Variants in CDH4 observed in about 807,000 individuals in gnomAD.
CDH4 encodes cadherin-4.
A neutral mutation model predicts 86.0 loss-of-function variants in CDH4; 33 were observed. The ratio of observed to expected loss-of-function variants is 0.38; its 90% CI spans 0.29 to 0.51. The LOEUF is 0.51. CDH4 is among the 20% of genes least tolerant of loss of function. CDH4 has a pLI of 0.86. For synonymous variants in CDH4, 555 were observed against 549.4 expected (o/e 1.01, Z -0.14); for missense variants, 1,114 against 1,307.4 (o/e 0.85, Z 2.28).
chr20:61,282,866 TG>T (rs2084267843), intron 2 of CDH4, among the ~76,000 whole-genome samples: 1 of 148,908 alleles, frequency 6.7e-6, no homozygotes. Context: ...GCATGTGCTG[TG>T]GTGTGTGTGA....
chr20:61,838,933 C>T (rs557713730), intron 4 of CDH4, among the ~76,000 whole-genome samples: 29 of 152,238 alleles, frequency 1.9e-4, no homozygotes, highest in African/African-American at 5.3e-4. Context: ...CCTGTGCCTT[C>T]GGGATGGGGC....
intron 13 of CDH4, among the ~76,000 whole-genome samples, chr20:61,931,319 T>C (rs539836461): frequency 6.6e-6 from 1 of 152,168 alleles, no homozygotes; most frequent in South Asian, 2.1e-4. Flanking sequence ...TGCACTTCCC[T>C]CTCCACGATC....
chr20:61,273,540 G>T (rs1473597472), intron 2 of CDH4, among the ~76,000 whole-genome samples: 1 of 121,806 alleles, frequency 8.2e-6, no homozygotes, highest in Non-Finnish European at 1.7e-5. Flanking sequence ...GGGGAGTACC[G>T]TGTGCAGTTT....
chr20:61,258,193 G>A (rs960130805), intron 2 of CDH4, among the ~76,000 whole-genome samples: 12 of 151,964 alleles, frequency 7.9e-5, no homozygotes, highest in African/African-American at 2.7e-4. Flanking sequence ...AGCCGGGCGC[G>A]GTGGCGGGAG....
chr20:61,282,728 C>T (rs1401977807), intron 2 of CDH4, among the ~76,000 whole-genome samples: 2 of 152,240 alleles, frequency 1.3e-5, no homozygotes, highest in Non-Finnish European at 2.9e-5. Context: ...TGTGTGCATG[C>T]CCACAAGCAT....
chr20:61,272,801 C>T (rs114535008), intron 2 of CDH4, among the ~76,000 whole-genome samples: 1 of 136,924 alleles, frequency 7.3e-6, no homozygotes, highest in East Asian at 2.3e-4. Context: ...TTGGGGAGTA[C>T]CATGCACATT....
At chr20:61,463,317 A>G (rs2085455077) in intron 2 of CDH4, among the ~76,000 whole-genome samples, 1 of 152,234 alleles carries the variant, frequency 6.6e-6, no homozygotes, top group Admixed American at 6.5e-5. Context: ...CAAAGCCCCA[A>G]AGTAACAGCA....
chr20:61,681,207 C>T lies in CDH4; in HGVS notation c.170-62356C>T, dbSNP rs1431225917. ...TGGCTTTTTTTCTCTTTCAGCCACA[C>T]ACAGTCAAATTTGAGGCATAATTTG... is the stretch of plus-strand genomic sequence containing the variant. On this transcript the variant is annotated intron_variant, in intron 2 of 15. Transcript: ENST00000614565. The surrounding 1 kb of genome is among the most constrained non-coding windows in gnomAD (Gnocchi z 4.5). Among the ~76,000 whole-genome samples, 1 of 152,206 alleles carries T rather than the reference C, an allele frequency of 6.6e-6. No homozygotes were observed. The highest frequency in any genetic ancestry group is 1.5e-5 in the Non-Finnish European group (1 of 68,042).
At position 61,879,770 on chromosome 20, in the gene CDH4, G is replaced by A. The variant is rs980356389; in HGVS notation, c.1050+5870G>A. Among the ~76,000 whole-genome samples, 6 of 152,250 alleles carry A rather than the reference G, an allele frequency of 3.9e-5. No individual in the cohort carries two copies. The East Asian group carries it at 5.8e-4, about 15-fold the overall frequency. On this transcript the variant is annotated intron_variant, in intron 7 of 15. Coordinates refer to ENST00000614565, the MANE Select transcript of CDH4 (RefSeq NM_001794.5). The surrounding 1 kb of genome is among the most constrained non-coding windows in gnomAD (Gnocchi z 4.1). ...GCTCTGCAGACGCAGGCGCTGTTCCGATTGTTGGGCAGTGAAATTAGCACC... is the reference window on the plus strand; with the variant it reads ...GCTCTGCAGACGCAGGCGCTGTTCCAATTGTTGGGCAGTGAAATTAGCACC...
intron 2 of CDH4, among the ~76,000 whole-genome samples, chr20:61,262,422 C>T (rs78888595): frequency 0.14 from 20,901 of 152,124 alleles, 1,512 homozygotes; most frequent in African/African-American, 0.18. Context: ...CCCCTTGCGG[C>T]GAAGCCCCTT....
chr20:61,418,057 A>G (rs1000068506), intron 2 of CDH4, among the ~76,000 whole-genome samples: 3 of 151,048 alleles, frequency 2.0e-5, no homozygotes, highest in African/African-American at 7.2e-5. Context: ...TTGCTGTTAA[A>G]TGGCAAATGC....
At chr20:61,452,922 G>A (rs918979676) in intron 2 of CDH4, among the ~76,000 whole-genome samples, 3 of 152,180 alleles carry the variant, frequency 2.0e-5, no homozygotes, top group African/African-American at 7.2e-5. Context: ...TAACCAGTCT[G>A]CCTTCTTATA....
rs114466301 is a variant in CDH4, at chr20:61,583,097, A to G, written c.170-160466A>G. On this transcript the variant is annotated intron_variant, in intron 2 of 15. Transcript: ENST00000614565. ...GTGGTGGAGGTCAGAGGGGAGGTGA[A>G]GAGAAGAGGGTACCGTGCAACAGAA... 8.9e-3 allele frequency among the ~76,000 whole-genome samples: 1,254 copies of G among 140,188 alleles called. 22 individuals are homozygous for G. The highest frequency in any genetic ancestry group is 0.032 in the African/African-American group (1,206 of 37,844). 92.0% of individuals were successfully genotyped at this position (140,188 alleles called of 152,430 possible).
intron 2 of CDH4, among the ~76,000 whole-genome samples, chr20:61,685,146 T>C (rs2087560285): frequency 1.3e-5 from 2 of 152,310 alleles, no homozygotes; most frequent in Non-Finnish European, 2.9e-5. Flanking sequence ...TCTAGATGTG[T>C]CTAGTCTGGG....
intron 2 of CDH4, among the ~76,000 whole-genome samples, chr20:61,707,277 CTG>C (rs2087841983): frequency 6.6e-6 from 1 of 152,268 alleles, no homozygotes; most frequent in Non-Finnish European, 1.5e-5. Context: ...TGGAGGCCCT[CTG>C]TCCACATTTA....
intron 2 of CDH4, among the ~76,000 whole-genome samples, chr20:61,318,374 T>C (rs2084489160): frequency 6.6e-6 from 1 of 152,222 alleles, no homozygotes; most frequent in South Asian, 2.1e-4. Context: ...TTTGATCCTG[T>C]CCAAGATTTA....
At chr20:61,919,914 A>T (rs79103663) in intron 9 of CDH4, among the ~76,000 whole-genome samples, 2 of 36,124 alleles carry the variant, frequency 5.5e-5, no homozygotes, top group African/African-American at 1.9e-4. Flanking sequence ...TATCGTGATT[A>T]TGTGGAAGCG....
At chr20:61,619,663 A>G (rs1371268710) in intron 2 of CDH4, among the ~76,000 whole-genome samples, 1 of 152,214 alleles carries the variant, frequency 6.6e-6, no homozygotes, top group East Asian at 1.9e-4. Context: ...CACAGGGTCC[A>G]GCATTCAATT....
At chr20:61,905,483 G>A (rs994589269) in intron 8 of CDH4, among the ~76,000 whole-genome samples, 2 of 152,150 alleles carry the variant, frequency 1.3e-5, no homozygotes, top group Non-Finnish European at 2.9e-5. Context: ...AGAGACAGAC[G>A]CTACAGAGGA....
Sources: allele counts gnomAD v4.1 joint callset (sites outside exome capture counted in the v4.1 genomes callset), GRCh38; gene constraint gnomAD v4.1.1; non-coding constraint Gnocchi (gnomAD v3.1); transcripts MANE v1.5; gene names NCBI Gene and HGNC (gene_info 2026-07-23, HGNC 2026-07-21).